GLRA2: variants seen among roughly 807,000 people sequenced by gnomAD.
GLRA2 encodes glycine receptor subunit alpha-2.
In GLRA2, 11 loss-of-function variants were observed where a neutral mutation model predicts 31.6. The observed-to-expected ratio is 0.35, with a 90% CI of 0.22 to 0.58. GLRA2 has a LOEUF of 0.58. Ranked by LOEUF, GLRA2 falls within the 20% of genes least tolerant of loss-of-function variation. The probability of loss-of-function intolerance (pLI) is 0.84; values close to 1 mark genes in which losing one functional copy is unlikely to be tolerated. For missense variants in GLRA2, 212 were observed against 351.8 expected (o/e 0.60, Z 3.18); for synonymous variants, 132 against 134.0 (o/e 0.99, Z 0.10).
the GLRA2 span, among the ~76,000 whole-genome samples, chrX:14,493,597 A>C: frequency 9.7e-6 from 1 of 103,471 alleles, no homozygotes; most frequent in Non-Finnish European, 1.9e-5. Flanking sequence ...ACATATATAC[A>C]TATATACACA....
intron 4 of GLRA2, among the ~76,000 whole-genome samples, chrX:14,594,691 AACATGGGCCAACCATATGTGTGC>A (rs1162734705): frequency 1.8e-5 from 2 of 112,131 alleles, no homozygotes; most frequent in South Asian, 3.7e-4. Context: ...GGACTTAATT[AACATGGGCCAACCATATGTGTGC>A]ACACTTTCTG....
At chrX:14,597,463 G>T (rs1371390073) in intron 4 of GLRA2, among the ~76,000 whole-genome samples, 5 of 111,949 alleles carry the variant, frequency 4.5e-5, no homozygotes, top group Non-Finnish European at 9.4e-5. Context: ...GGATGGGGAT[G>T]TTTGCTGGGG....
the GLRA2 span, among the ~76,000 whole-genome samples, chrX:14,508,014 TCTC>T: frequency 1.9e-4 from 21 of 111,237 alleles, no homozygotes; most frequent in African/African-American, 6.5e-4. Context: ...TTCAATGACT[TCTC>T]CTTTTTTTGC....
At chrX:14,566,637 A>G (rs1170753223) in intron 2 of GLRA2, among the ~76,000 whole-genome samples, 1 of 111,461 alleles carries the variant, frequency 9.0e-6, no homozygotes, top group Non-Finnish European at 1.9e-5. Flanking sequence ...TCTTCTTCCC[A>G]CCTGAATGGT....
chrX:14,475,410 A>G, the GLRA2 span, among the ~76,000 whole-genome samples: 1 of 112,288 alleles, frequency 8.9e-6, no homozygotes, highest in South Asian at 3.7e-4. Flanking sequence ...AATTTTTGTT[A>G]TTAACATCAG....
chrX:14,474,837 T>C, the GLRA2 span, among the ~76,000 whole-genome samples: 1 of 111,735 alleles, frequency 8.9e-6, no homozygotes, highest in Non-Finnish European at 1.9e-5. Flanking sequence ...AAAGCCCCAA[T>C]GTATAAGTAT....
At chrX:14,674,773 T>C (rs1034249599) in intron 7 of GLRA2, among the ~76,000 whole-genome samples, 2 of 109,172 alleles carry the variant, frequency 1.8e-5, no homozygotes, top group Non-Finnish European at 3.8e-5. Context: ...TCTCTCTCTC[T>C]CCCATGCACA....
Position 14,534,647 on chromosome X carries a change from T to C in GLRA2, c.202+2275T>C, listed in dbSNP as rs185870158. Among the ~76,000 whole-genome samples, 5 of 111,052 alleles carry C rather than the reference T, an allele frequency of 4.5e-5. No homozygotes were observed. The Admixed American group carries it at 4.9e-4, about 11-fold the overall frequency. ...GTACCTTATTTTATATATACATACA[T>C]ACATAAAATATTGGTAGTGTAGGGA... On this transcript the variant is annotated intron_variant, in intron 2 of 8. Transcript: ENST00000218075.
chrX:14,649,158 G>A (rs2090863842), intron 7 of GLRA2, among the ~76,000 whole-genome samples: 1 of 109,947 alleles, frequency 9.1e-6, no homozygotes, highest in Non-Finnish European at 1.9e-5. Context: ...AGGTTGCAGT[G>A]AGCCGAGATC....
intron 8 of GLRA2, among the ~76,000 whole-genome samples, chrX:14,713,620 C>A (rs1346762987): frequency 2.7e-5 from 3 of 111,403 alleles, no homozygotes; most frequent in African/African-American, 9.8e-5. Context: ...GAGGTATGAT[C>A]CAAAGAAGAG....
chrX:14,709,808 G>A (rs1453708127), intron 8 of GLRA2, among the ~76,000 whole-genome samples: 1 of 112,029 alleles, frequency 8.9e-6, no homozygotes. Context: ...CAATAGGAAA[G>A]TGCCTCCTGA....
chrX:14,712,713 C>G (rs979933275), intron 8 of GLRA2, among the ~76,000 whole-genome samples: 3 of 110,018 alleles, frequency 2.7e-5, no homozygotes, highest in African/African-American at 9.9e-5. Flanking sequence ...AGGCAATAGT[C>G]AAAGGATGGG....
chrX:14,592,755 T>G (rs766914359), intron 4 of GLRA2, among the ~76,000 whole-genome samples: 2 of 112,603 alleles, frequency 1.8e-5, no homozygotes, highest in South Asian at 7.3e-4. Flanking sequence ...AGTCGTAAAC[T>G]AGATCATTTG....
intron 7 of GLRA2, among the ~76,000 whole-genome samples, chrX:14,660,098 C>G (rs2090977070): frequency 9.0e-6 from 1 of 111,445 alleles, no homozygotes; most frequent in Non-Finnish European, 1.9e-5. Context: ...AACAAATAAG[C>G]AAATTATATG....
chrX:14,689,765 G>A (rs1486031795), intron 7 of GLRA2, among the ~76,000 whole-genome samples: 2 of 112,148 alleles, frequency 1.8e-5, no homozygotes, highest in African/African-American at 3.2e-5. Flanking sequence ...AGTTTAATAA[G>A]TATTCTTTGT....
intron 7 of GLRA2, among the ~76,000 whole-genome samples, chrX:14,688,117 A>G (rs1364148912): frequency 9.0e-6 from 1 of 111,561 alleles, no homozygotes; most frequent in East Asian, 2.8e-4. Context: ...AGAACAGTGA[A>G]TGTTGCTGAA....
At chrX:14,584,073 G>A (rs774533517) in intron 4 of GLRA2, among the ~76,000 whole-genome samples, 1 of 110,335 alleles carries the variant, frequency 9.1e-6, no homozygotes, top group Non-Finnish European at 1.9e-5. Flanking sequence ...AGAGGAGGAC[G>A]AGAATCAAAA....
chrX:14,581,137 C>T, intron 3 of GLRA2, 46 bp from the exon 4 acceptor site: 2 of 765,432 alleles, frequency 2.6e-6, no homozygotes, highest in Non-Finnish European at 4.1e-6. Flanking sequence ...AAATAGAACT[C>T]CTGTGCCAGG....
chrX:14,500,246 C>G, the GLRA2 span, among the ~76,000 whole-genome samples: 1 of 111,899 alleles, frequency 8.9e-6, no homozygotes, highest in Non-Finnish European at 1.9e-5. Flanking sequence ...AAGTCACTGT[C>G]TCTTTTTCAG....
Sources: gnomAD v4.1 joint callset for allele counts (sites outside exome capture counted in the v4.1 genomes callset) on GRCh38, gnomAD v4.1.1 for gene constraint, MANE v1.5 for transcripts, NCBI Gene and HGNC (gene_info 2026-07-23, HGNC 2026-07-21) for gene names.